PRAMEF15: variants seen among roughly 807,000 people sequenced by gnomAD.
PRAMEF15 encodes the protein PRAME family member 15.
In PRAMEF15, 21 loss-of-function variants were observed where a neutral mutation model predicts 35.3. The ratio of observed to expected loss-of-function variants is 0.59; its 90% CI spans 0.42 to 0.86. The LOEUF (loss-of-function observed/expected upper bound fraction) is 0.86. Among genes scored for constraint, PRAMEF15 ranks in the 40% least tolerant of loss-of-function variants. The probability of loss-of-function intolerance (pLI) is 0.00; values close to 1 mark genes in which losing one functional copy is unlikely to be tolerated. For synonymous variants in PRAMEF15, 122 were observed against 223.3 expected, an observed-to-expected ratio of 0.55 and a Z score of 4.05; for missense variants, 360 against 574.1, an observed-to-expected ratio of 0.63 and a Z score of 3.81.
chr1:13,315,596 G>A lies in PRAMEF15; in HGVS notation c.-79G>A, dbSNP rs1490908332. The A allele has an allele frequency of 6.6e-6, 1 of 151,006 alleles. No individual in the cohort carries two copies. The highest frequency in any genetic ancestry group is 2.4e-5 in the African/African-American group (1 of 40,836). 9.4% of individuals were successfully genotyped at this position (151,006 alleles called of 1,614,324 possible). A position where few individuals can be genotyped will look rare whatever the true frequency, so the allele number is the denominator to read the frequency against. On this transcript the variant is annotated 5_prime_UTR_variant, in exon 1 of 4. Transcript: ENST00000376152. ...CACAGGAGAGACCCAAAGTCTTCAA[G>A]CCTGGAGTTCCTGCTTGGTTCTTCC...
Position 13,321,839 on chromosome 1 carries a change from T to C in PRAMEF15, c.1012T>C (p.Tyr338His), listed in dbSNP as rs1467515078. The change falls in exon 4 of 4, where the codon TAT becomes CAT. Residue 338 changes from tyrosine to histidine, a missense_variant. Tyr to His is a moderately conservative substitution (Grantham distance 83, BLOSUM62 2). Coordinates refer to ENST00000376152, the MANE Select transcript of PRAMEF15 (RefSeq NM_001098376.3). ...LDLSGIRLTN[Y>H]SLVPLQILLE... ...CCTGAGTGGCATCAGACTGACCAAT[T>C]ATAGTCTTGTGCCTCTCCAAATTCT... The C allele has an allele frequency of 2.2e-5, 36 of 1,607,448 alleles. No homozygotes were observed. The highest frequency in any genetic ancestry group is 2.9e-5 in the Non-Finnish European group (34 of 1,177,312).
chr1:13,318,352 C>T (rs1640033409), intron 1 of PRAMEF15, 40 bp from the exon 2 acceptor site: 1 of 1,544,234 alleles, frequency 6.5e-7, no homozygotes. Flanking sequence ...TGGGCTTGGC[C>T]TGAGAGTGAT....
intron 3 of PRAMEF15, among the ~76,000 whole-genome samples, 171 bp downstream of exon 3, chr1:13,320,124 C>T (rs1640063410): frequency 6.6e-6 from 1 of 152,072 alleles, no homozygotes; most frequent in Non-Finnish European, 1.5e-5. Context: ...TATCATGCAA[C>T]CATCCCAATA....
chr1:13,320,715 C>T (rs1356830578), intron 3 of PRAMEF15, among the ~76,000 whole-genome samples: 4,634 of 147,738 alleles, frequency 0.031, no homozygotes, highest in East Asian at 0.15. Flanking sequence ...AGAGCTACCA[C>T]GCCCAGCCAA....
intron 1 of PRAMEF15, among the ~76,000 whole-genome samples, chr1:13,317,067 C>G (rs1553167168): frequency 6.7e-6 from 1 of 149,780 alleles, no homozygotes; most frequent in African/African-American, 2.5e-5. Context: ...GAAGTCTAGT[C>G]AAATGTAGCT....
intron 1 of PRAMEF15, among the ~76,000 whole-genome samples, chr1:13,317,119 G>C (rs1262849166): frequency 7.9e-5 from 12 of 151,706 alleles, no homozygotes; most frequent in African/African-American, 2.7e-4. Context: ...CCCCAGGCTG[G>C]AGTGGAGTGG....
chr1:13,316,027 T>A (rs1361902492), intron 1 of PRAMEF15, among the ~76,000 whole-genome samples: 2 of 150,062 alleles, frequency 1.3e-5, no homozygotes, highest in South Asian at 2.1e-4. Context: ...GGGGATGGAG[T>A]CTCACTGTGT....
intron 3 of PRAMEF15, among the ~76,000 whole-genome samples, chr1:13,320,615 G>A (rs1162238585): frequency 1.3e-3 from 199 of 152,038 alleles, no homozygotes; most frequent in African/African-American, 4.6e-3. Flanking sequence ...GTAGAGACAG[G>A]GTTTCACCAT....
Position 13,321,862 on chromosome 1 carries a change from T to C in PRAMEF15, c.1035T>C (p.Ile345=). ...ATTATAGTCTTGTGCCTCTCCAAATTCTCCTAGAAAAAGTTGCAGCCACCC... is the reference window on the plus strand; with the variant it reads ...ATTATAGTCTTGTGCCTCTCCAAATCCTCCTAGAAAAAGTTGCAGCCACCC... ...LTNYSLVPLQ[I]LLEKVAATLE... Residue 345 remains isoleucine (I), a synonymous_variant, in exon 4 of 4, where the codon ATT becomes ATC. Transcript: ENST00000376152. 1 of 1,608,006 alleles carries C rather than the reference T, an allele frequency of 6.2e-7. No homozygotes were observed. The highest frequency in any genetic ancestry group is 8.5e-7 in the Non-Finnish European group (1 of 1,177,456).
At chr1:13,321,351 A>T (rs1443954325) in intron 3 of PRAMEF15, among the ~76,000 whole-genome samples, 2 of 150,938 alleles carry the variant, frequency 1.3e-5, no homozygotes, top group African/African-American at 4.9e-5. Flanking sequence ...AGTAGCTGGA[A>T]TTGCAGGCTC....
At chr1:13,317,084 G>T (rs1358015572) in intron 1 of PRAMEF15, among the ~76,000 whole-genome samples, 28 of 151,428 alleles carry the variant, frequency 1.8e-4, no homozygotes, top group African/African-American at 6.6e-4. Context: ...AGCTCTCTCT[G>T]TCTCTCAGTT....
chr1:13,320,473 C>G lies in PRAMEF15; in HGVS notation c.875+520C>G, dbSNP rs1180986061. Among the ~76,000 whole-genome samples the G allele has an allele frequency of 1.5e-3, 224 of 152,174 alleles. 5 individuals carry two copies. Among genetic ancestry groups the G allele is most frequent in the African/African-American group, 4.9e-3 (205 of 41,496 alleles). ...AGTTTCACTTTGATCGTCCAGGCTA[C>G]AGTGCAGTTGTGACATCTCAGCTCG... is the stretch of plus-strand genomic sequence containing the variant. On this transcript the variant is annotated intron_variant, in intron 3 of 3. Coordinates refer to ENST00000376152, the MANE Select transcript of PRAMEF15 (RefSeq NM_001098376.3).
chr1:13,320,668 C>CT (rs1640072426), intron 3 of PRAMEF15, among the ~76,000 whole-genome samples: 1 of 152,032 alleles, frequency 6.6e-6, no homozygotes, highest in African/African-American at 2.4e-5. Flanking sequence ...AGGTGATCCA[C>CT]CCACCATGGA....
In PRAMEF15 at chr1:13,319,972, C is replaced by T; in HGVS notation, c.875+19C>T. 2 of 1,611,106 alleles carry T rather than the reference C, an allele frequency of 1.2e-6. No individual in the cohort carries two copies. The highest frequency in any genetic ancestry group is 4.5e-5 in the East Asian group (2 of 44,898). On this transcript the variant is annotated intron_variant, in intron 3 of 3. Coordinates refer to ENST00000376152, the MANE Select transcript of PRAMEF15 (RefSeq NM_001098376.3). Reference sequence around the variant, plus strand: ...TGCTCAGGTGAGGGAGGATGGTGAGCTTTCTCTGCAGACCACAGCAGAGCC... The same window carrying T: ...TGCTCAGGTGAGGGAGGATGGTGAGTTTTCTCTGCAGACCACAGCAGAGCC...
At chr1:13,321,414 C>T (rs1640081795) in intron 3 of PRAMEF15, among the ~76,000 whole-genome samples, 1 of 151,480 alleles carries the variant, frequency 6.6e-6, no homozygotes, top group Non-Finnish European at 1.5e-5. Context: ...GAGGTTTTAC[C>T]ATGTTCAGCA....
At chr1:13,320,308 T>C (rs1219465696) in intron 3 of PRAMEF15, among the ~76,000 whole-genome samples, 3 of 152,094 alleles carry the variant, frequency 2.0e-5, no homozygotes, top group Non-Finnish European at 2.9e-5. Context: ...CCTGTAATCC[T>C]ATCACTTTGG....
chr1:13,320,686 A>G (rs1394411196), intron 3 of PRAMEF15, among the ~76,000 whole-genome samples: 7 of 152,092 alleles, frequency 4.6e-5, no homozygotes, highest in African/African-American at 1.4e-4. Flanking sequence ...GGACTCCCAA[A>G]GTGCTGGGAT....
chr1:13,321,236 A>G (rs1290403878), intron 3 of PRAMEF15, among the ~76,000 whole-genome samples: 6 of 138,008 alleles, frequency 4.3e-5, no homozygotes, highest in African/African-American at 1.1e-4. Flanking sequence ...TTTTTTCAAA[A>G]CAGAGTCTCT....
chr1:13,321,000 A>T (rs1262210758), intron 3 of PRAMEF15, among the ~76,000 whole-genome samples: 510 of 151,946 alleles, frequency 3.4e-3, no homozygotes, highest in African/African-American at 0.011. Flanking sequence ...TGATACAGGC[A>T]TGTCAGGGAT....
Sources: allele counts gnomAD v4.1 joint callset (sites outside exome capture counted in the v4.1 genomes callset), GRCh38; gene constraint gnomAD v4.1.1; transcripts MANE v1.5; gene names NCBI Gene and HGNC (gene_info 2026-07-23, HGNC 2026-07-21).